The following ABLIM2 variants were observed in gnomAD, a reference collection of about 807,000 sequenced individuals.
ABLIM2 encodes actin-binding LIM protein 2.
ABLIM2 carries 53 observed loss-of-function variants against 97.7 expected under a neutral mutation model. That is an observed-to-expected ratio of 0.54 (90% CI 0.44 to 0.68). The LOEUF is 0.68. Ranked by LOEUF, ABLIM2 falls within the 30% of genes least tolerant of loss-of-function variation. The pLI, the probability that ABLIM2 is intolerant of heterozygous loss-of-function variation, is 0.00. For missense variants in ABLIM2, 835 were observed against 867.2 expected (o/e 0.96, Z 0.47); for synonymous variants, 361 against 345.8 (o/e 1.04, Z -0.49).
At chr4:8,014,699 C>T (rs1164554921) in intron 14 of ABLIM2, among the ~76,000 whole-genome samples, 1 of 152,204 alleles carries the variant, frequency 6.6e-6, no homozygotes, top group Non-Finnish European at 1.5e-5. Flanking sequence ...AAAAACATCC[C>T]TTGGACAAAT....
chr4:7,998,623 T>C lies in ABLIM2; in HGVS notation c.1619-5696A>G, dbSNP rs774291531. 18 of 504,378 alleles carry C rather than the reference T, an allele frequency of 3.6e-5. No homozygotes were observed. The highest frequency in any genetic ancestry group is 6.7e-5 in the Non-Finnish European group (17 of 253,282). 31.2% of individuals were successfully genotyped at this position (504,378 alleles called of 1,614,324 possible). On this transcript the variant is annotated intron_variant, in intron 16 of 20. Coordinates refer to ENST00000447017, the MANE Select transcript of ABLIM2 (RefSeq NM_001130083.2). The surrounding 1 kb of genome is among the most constrained non-coding windows in gnomAD (Gnocchi z 6.4). ...GCCTGCTGGCCACCTGCCCATCTGCTAGTGTGGCTGCAGGAGGAAAACACC... is the reference window on the plus strand; with the variant it reads ...GCCTGCTGGCCACCTGCCCATCTGCCAGTGTGGCTGCAGGAGGAAAACACC...
Position 8,023,921 on chromosome 4 carries a change from G to A in ABLIM2, c.1268-3618C>T, listed in dbSNP as rs979600346. Among the ~76,000 whole-genome samples, 2 of 152,202 alleles carry A rather than the reference G, an allele frequency of 1.3e-5. No individual in the cohort carries two copies. The highest frequency in any genetic ancestry group is 4.8e-5 in the African/African-American group (2 of 41,456). On this transcript the variant is annotated intron_variant, in intron 12 of 20. Transcript: ENST00000447017. This position sits in a 1 kb window ranked among gnomAD's most constrained non-coding sequence, Gnocchi z 5.7. ...CTGGCTCCTGTGGAGCCTCCTCCAG[G>A]TGACACCGCAGAGAGGCCAGCTGGT...
At position 8,107,685 on chromosome 4, in the gene ABLIM2, G is replaced by A. The variant is rs374473886; in HGVS notation, c.11-1048C>T. On this transcript the variant is annotated intron_variant, in intron 1 of 20. Transcript: ENST00000447017. The stretch of plus-strand genomic sequence containing the variant: ...AGGTTCTGTAGCTAGTGCTGCAGTC[G>A]GCAGAACAATGCTCCCAAGATGTCC... Among the ~76,000 whole-genome samples the A allele has an allele frequency of 1.6e-3, 240 of 152,296 alleles. 1 individual carries two copies. The highest frequency in any genetic ancestry group is 9.9e-3 in the South Asian group (48 of 4,828).
At chr4:8,041,801 G>GGCAGTTACTATGT (rs1788793555) in intron 9 of ABLIM2, among the ~76,000 whole-genome samples, 1 of 152,090 alleles carries the variant, frequency 6.6e-6, no homozygotes, top group African/African-American at 2.4e-5. Flanking sequence ...CTACTCGGGA[G>GGCAGTTACTATGT]GCCGAGGCAG....
intron 1 of ABLIM2, among the ~76,000 whole-genome samples, chr4:8,116,797 C>A (rs566160737): frequency 2.8e-5 from 4 of 144,776 alleles, no homozygotes; most frequent in Non-Finnish European, 6.1e-5. Context: ...AGCAGCTTCC[C>A]TGCTCTGGAG....
Position 8,000,173 on chromosome 4 carries a change from C to T in ABLIM2, c.1619-7246G>A, listed in dbSNP as rs369029292. 3.9e-5 allele frequency among the ~76,000 whole-genome samples: 6 copies of T among 152,254 alleles called. No homozygotes were observed. In the East Asian group the frequency reaches 5.8e-4, roughly 15 times the overall value. ...AAGGGGGGCACCCTTCATCCCTGAG[C>T]AGTGGTGAATGAGAGGCCCCTTGGC... On this transcript the variant is annotated intron_variant, in intron 16 of 20. Coordinates refer to ENST00000447017, the MANE Select transcript of ABLIM2 (RefSeq NM_001130083.2).
chr4:8,143,520 C>T (rs1851345817), intron 1 of ABLIM2, among the ~76,000 whole-genome samples: 1 of 152,020 alleles, frequency 6.6e-6, no homozygotes, highest in Admixed American at 6.6e-5. Flanking sequence ...ACTAGCTGTC[C>T]CTGCTGTCAG....
rs571510141 is a variant in ABLIM2, at chr4:8,072,321, G to C, written c.675+5307C>G. Among the ~76,000 whole-genome samples the C allele has an allele frequency of 3.6e-3, 418 of 114,924 alleles. No individual in the cohort carries two copies. Among genetic ancestry groups the C allele is most frequent in the Middle Eastern group, 5.6e-3 (1 of 178 alleles). The allele number at this position is 114,924 out of a possible 152,430, so 75.4% of individuals were successfully genotyped here. On this transcript the variant is annotated intron_variant, in intron 6 of 20. Coordinates refer to ENST00000447017, the MANE Select transcript of ABLIM2 (RefSeq NM_001130083.2). The surrounding 1 kb of genome is among the most constrained non-coding windows in gnomAD (Gnocchi z 5.8). ...TTGCCTCCCAATCCATCAAGGGGAG[G>C]GGGGGCTGCCTGATGAAACCCACTT...
chr4:8,017,901 G>C (rs192363374), intron 14 of ABLIM2, among the ~76,000 whole-genome samples: 1 of 152,086 alleles, frequency 6.6e-6, no homozygotes, highest in Admixed American at 6.6e-5. Context: ...GCTGAGGCAG[G>C]AGAATTGCTT....
chr4:8,106,006 T>C (rs1273529143), intron 2 of ABLIM2, among the ~76,000 whole-genome samples: 1 of 152,220 alleles, frequency 6.6e-6, no homozygotes, highest in African/African-American at 2.4e-5. Flanking sequence ...ATTTACATTA[T>C]TGGTTTATAG....
chr4:7,979,909 G>A (rs535922541), intron 20 of ABLIM2, among the ~76,000 whole-genome samples: 1 of 152,200 alleles, frequency 6.6e-6, no homozygotes, highest in Non-Finnish European at 1.5e-5. Flanking sequence ...GAGAGAGAAA[G>A]ATGTGGGTCT....
rs547617152 is a variant in ABLIM2, at chr4:8,085,544, C to T, written c.454+2625G>A. 4.6e-5 allele frequency among the ~76,000 whole-genome samples: 7 copies of T among 150,778 alleles called. No individual in the cohort carries two copies. The highest frequency in any genetic ancestry group is 1.5e-4 in the African/African-American group (6 of 41,040). On this transcript the variant is annotated intron_variant, in intron 4 of 20. Coordinates refer to ENST00000447017, the MANE Select transcript of ABLIM2 (RefSeq NM_001130083.2). The surrounding 1 kb of genome is among the most constrained non-coding windows in gnomAD (Gnocchi z 6.1). Reference sequence around the variant, plus strand: ...TCTGGGGGTGCCCACGCTGCAGCCCCGTCCACTCACATGGCTCTGGGGGTG... The same window carrying T: ...TCTGGGGGTGCCCACGCTGCAGCCCTGTCCACTCACATGGCTCTGGGGGTG...
Position 8,071,924 on chromosome 4 carries a change from G to C in ABLIM2, c.675+5704C>G. The C allele has an allele frequency of 2.0e-6, 2 of 985,416 alleles. No homozygotes were observed. Among genetic ancestry groups the C allele is most frequent in the Non-Finnish European group, 2.4e-6 (2 of 829,958 alleles). The allele number at this position is 985,416 out of a possible 1,614,324, so 61.0% of individuals were successfully genotyped here. ...CCTGGGAGTCCACTGTCACCCAGCG[G>C]GGCACCGGCACACTGGGCCGAGCAT... On this transcript the variant is annotated intron_variant, in intron 6 of 20. Transcript: ENST00000447017. This position sits in a 1 kb window ranked among gnomAD's most constrained non-coding sequence, Gnocchi z 6.2.
At chr4:8,077,523 C>G (rs1816999384) in intron 6 of ABLIM2, 105 bp downstream of exon 6, 2 of 1,142,822 alleles carry the variant, frequency 1.8e-6, no homozygotes, top group Non-Finnish European at 1.3e-6. Context: ...GAAGCTGCAG[C>G]CAGACAGATT....
intron 12 of ABLIM2, 114 bp from the exon 13 acceptor site, chr4:8,020,417 A>T (rs1326543195): frequency 1.1e-6 from 1 of 929,724 alleles, no homozygotes; most frequent in Non-Finnish European, 1.7e-6. Context: ...TGTCTGGTGG[A>T]GCAGCCCAGA....
intron 6 of ABLIM2, among the ~76,000 whole-genome samples, chr4:8,065,013 G>T (rs999623909): frequency 6.6e-6 from 1 of 152,308 alleles, no homozygotes; most frequent in South Asian, 2.1e-4. Context: ...GCTCTCAGAG[G>T]TCAAGGCAAG....
intron 20 of ABLIM2, among the ~76,000 whole-genome samples, chr4:7,980,172 G>C (rs770327896): frequency 2.0e-5 from 3 of 152,128 alleles, no homozygotes; most frequent in Non-Finnish European, 4.4e-5. Context: ...GGATTTCAAA[G>C]AAACCTACAA....
In ABLIM2 at chr4:7,999,652, G is replaced by A. The variant is rs150985318; in HGVS notation, c.1619-6725C>T. ...TGGAAGCAGACAGCCTTCAAGAGGC[G>A]GGGTGTGTGTAGTACAGAGAGAGAC... On this transcript the variant is annotated intron_variant, in intron 16 of 20. Coordinates refer to ENST00000447017, the MANE Select transcript of ABLIM2 (RefSeq NM_001130083.2). This position sits in a 1 kb window ranked among gnomAD's most constrained non-coding sequence, Gnocchi z 4.4. Among the ~76,000 whole-genome samples, 477 of 152,282 alleles carry A rather than the reference G, an allele frequency of 3.1e-3. 1 individual carries two copies. The highest frequency in any genetic ancestry group is 6.8e-3 in the Middle Eastern group (2 of 294).
At chr4:7,985,635 G>C (rs534024236) in intron 17 of ABLIM2, among the ~76,000 whole-genome samples, 1 of 152,140 alleles carries the variant, frequency 6.6e-6, no homozygotes, top group African/African-American at 2.4e-5. Context: ...AAGGAGCCCC[G>C]TGTCTGTAAG....
Sources: gnomAD v4.1 joint callset for allele counts (sites outside exome capture counted in the v4.1 genomes callset) on GRCh38, gnomAD v4.1.1 for gene constraint, Gnocchi (gnomAD v3.1) non-coding constraint, MANE v1.5 for transcripts, NCBI Gene and HGNC (gene_info 2026-07-23, HGNC 2026-07-21) for gene names.